SPATA7: variants seen among roughly 807,000 people sequenced by gnomAD.
SPATA7 encodes the protein spermatogenesis-associated protein 7.
Under a neutral mutation model 51.8 loss-of-function variants are expected in SPATA7, and 43 were observed. The ratio of observed to expected loss-of-function variants is 0.83; its 90% confidence interval spans 0.65 to 1.07. SPATA7 has a LOEUF of 1.07. Ranked by LOEUF, SPATA7 falls within the 50% of genes least tolerant of loss-of-function variation. SPATA7 has a pLI of 0.00. For missense variants in SPATA7, 683 were observed against 701.3 expected, an observed-to-expected ratio of 0.97 and a Z score of 0.30; for synonymous variants, 230 against 252.8, an observed-to-expected ratio of 0.91 and a Z score of 0.86.
downstream of SPATA7, among the ~76,000 whole-genome samples, chr14:88,459,181 A>G (rs2077302317): frequency 6.6e-6 from 1 of 152,230 alleles, no homozygotes; most frequent in Non-Finnish European, 1.5e-5. Context: ...TGTGGTGCTG[A>G]GAAGAATGTA....
In SPATA7 at chr14:88,469,487, A is replaced by G. The variant is rs776145921; in HGVS notation, c.255-360A>G. 1 of 1,594,402 alleles carries G rather than the reference A, an allele frequency of 6.3e-7. No homozygotes were observed. Among genetic ancestry groups the G allele is most frequent in the East Asian group, 2.2e-5 (1 of 44,804 alleles). ...AGGCAGCTGTCCTCGGAACAAAGTT[A>G]AAGTCACTCACATAAAAATCCCTTG... On this transcript the variant is annotated intron_variant, in intron 4 of 4. Transcript: ENST00000556406. The surrounding 1 kb of genome is among the most constrained non-coding windows in gnomAD (Gnocchi z 4.3).
Position 88,469,491 on chromosome 14 carries a change from T to C in SPATA7, c.255-356T>C, listed in dbSNP as rs764140641. ...AGCTGTCCTCGGAACAAAGTTAAAGTCACTCACATAAAAATCCCTTGAGGT... is the reference window on the plus strand; with the variant it reads ...AGCTGTCCTCGGAACAAAGTTAAAGCCACTCACATAAAAATCCCTTGAGGT... On this transcript the variant is annotated intron_variant, in intron 4 of 4. Transcript: ENST00000556406. The surrounding 1 kb of genome is among the most constrained non-coding windows in gnomAD (Gnocchi z 4.3). 7 of 1,599,634 alleles carry C rather than the reference T, an allele frequency of 4.4e-6. No homozygotes were observed. The highest frequency in any genetic ancestry group is 1.3e-5 in the African/African-American group (1 of 74,582).
At chr14:88,433,283 G>A in intron 10 of SPATA7, 71 bp downstream of exon 10, 2 of 1,106,578 alleles carry the variant, frequency 1.8e-6, no homozygotes, top group South Asian at 1.4e-5. Flanking sequence ...TTCATATGAT[G>A]TTAAAATTTT....
intron 4 of SPATA7, among the ~76,000 whole-genome samples, chr14:88,464,564 C>T (rs1753202973): frequency 6.6e-6 from 1 of 151,980 alleles, no homozygotes; most frequent in African/African-American, 2.4e-5. Context: ...AACCCCATCT[C>T]TACTAAAAAT....
intron 10 of SPATA7, among the ~76,000 whole-genome samples, chr14:88,434,764 T>C (rs1375531420): frequency 6.6e-6 from 1 of 151,316 alleles, no homozygotes; most frequent in African/African-American, 2.4e-5. Context: ...TAATTACAAG[T>C]TGGTAAAGAA....
intron 8 of SPATA7, 123 bp downstream of exon 8, chr14:88,429,586 T>C: frequency 1.7e-6 from 1 of 581,290 alleles, no homozygotes; most frequent in South Asian, 2.8e-5. Flanking sequence ...TGGTGTTATG[T>C]AATTCAATAA....
downstream of SPATA7, among the ~76,000 whole-genome samples, chr14:88,440,727 C>T (rs2077172705): frequency 6.6e-6 from 1 of 152,094 alleles, no homozygotes; most frequent in Non-Finnish European, 1.5e-5. Context: ...TGTGTTTTCT[C>T]ATATCTTGGA....
chr14:88,410,804 C>T (rs1044416955), intron 4 of SPATA7: 10 of 157,532 alleles, frequency 6.3e-5, no homozygotes, highest in East Asian at 1.9e-4. Flanking sequence ...ATATGCCAGC[C>T]GGAGCTCTCC....
intron 3 of SPATA7, among the ~76,000 whole-genome samples, chr14:88,447,441 T>G (rs1374224561): frequency 2.0e-5 from 3 of 152,090 alleles, no homozygotes; most frequent in African/African-American, 7.3e-5. Context: ...TTTATCCAAT[T>G]TGCCAGTCTG....
At chr14:88,390,720 G>T (rs1595170162) in intron 1 of SPATA7, among the ~76,000 whole-genome samples, 1 of 152,130 alleles carries the variant, frequency 6.6e-6, no homozygotes, top group African/African-American at 2.4e-5. Context: ...TTGAATTCTG[G>T]ACAAGAAAAA....
intron 4 of SPATA7, among the ~76,000 whole-genome samples, chr14:88,402,524 C>G (rs1158549098): frequency 1.3e-5 from 2 of 152,004 alleles, no homozygotes; most frequent in Non-Finnish European, 1.5e-5. Context: ...CAAAAGGGTA[C>G]CAAACACACA....
rs549577072 is a variant in SPATA7 at position 88,407,245 on chromosome 14, C to T, written c.239-9466C>T. Among the ~76,000 whole-genome samples, 25 of 152,234 alleles carry T rather than the reference C, an allele frequency of 1.6e-4. No homozygotes were observed. The South Asian group carries it at 4.6e-3, about 28-fold the overall frequency. On this transcript the variant is annotated intron_variant, in intron 4 of 11. Coordinates refer to ENST00000393545, the MANE Select transcript of SPATA7 (RefSeq NM_018418.5). ...TACAGTCCCACTAACAGTGTAAAAG[C>T]GTTCATATTTCTCCACATCATGTCT... is the stretch of plus-strand genomic sequence containing the variant.
intron 4 of SPATA7, chr14:88,406,850 C>T (rs542080991): frequency 2.0e-5 from 3 of 152,098 alleles, no homozygotes; most frequent in Admixed American, 2.0e-4. Context: ...TGAGTGAGAA[C>T]ATGCAGTGTT....
intron 1 of SPATA7, 37 bp downstream of exon 1, chr14:88,385,874 C>T (rs1298373320): frequency 6.3e-7 from 1 of 1,585,234 alleles, no homozygotes; most frequent in Non-Finnish European, 8.6e-7. Context: ...GCCGCCTCGC[C>T]CCTCGCTCCA....
chr14:88,425,378 T>G (rs933296554), intron 5 of SPATA7, among the ~76,000 whole-genome samples: 4 of 152,156 alleles, frequency 2.6e-5, no homozygotes, highest in African/African-American at 9.7e-5. Flanking sequence ...CAGATATAAT[T>G]GGCTAAATCC....
At chr14:88,393,641 G>C (rs17124627) in intron 3 of SPATA7, 153 bp downstream of exon 3, 7,367 of 591,396 alleles carry the variant, frequency 0.012, 420 homozygotes, top group African/African-American at 0.12. Context: ...TTGACTCTAG[G>C]TACTTAGCAA....
At chr14:88,390,234 C>T (rs886613331) in intron 1 of SPATA7, among the ~76,000 whole-genome samples, 22 of 151,550 alleles carry the variant, frequency 1.5e-4, no homozygotes, top group Admixed American at 3.9e-4. Context: ...TCAACTCATA[C>T]TGGTTTAAGC....
chr14:88,393,574 A>G, intron 3 of SPATA7, 86 bp downstream of exon 3: 1 of 951,378 alleles, frequency 1.1e-6, no homozygotes, highest in Non-Finnish European at 1.7e-6. Context: ...AGCAAAAATG[A>G]ATACCTTATA....
intron 4 of SPATA7, among the ~76,000 whole-genome samples, chr14:88,468,648 G>T (rs957094846): frequency 6.6e-6 from 1 of 152,088 alleles, no homozygotes; most frequent in Non-Finnish European, 1.5e-5. Flanking sequence ...AACAGAAAAA[G>T]AATTCTGAGC....
Sources: allele counts gnomAD v4.1 joint callset (sites outside exome capture counted in the v4.1 genomes callset), GRCh38; gene constraint gnomAD v4.1.1; non-coding constraint Gnocchi (gnomAD v3.1); transcripts MANE v1.5; gene names NCBI Gene and HGNC (gene_info 2026-07-23, HGNC 2026-07-21).